DIS3L2: variants seen among roughly 807,000 people sequenced by gnomAD.
DIS3L2 encodes the protein DIS3-like exonuclease 2.
Under a neutral mutation model 97.5 loss-of-function variants are expected in DIS3L2, and 34 were observed. That is an observed-to-expected ratio of 0.35 (90% confidence interval 0.27 to 0.46). The LOEUF is 0.46. Among genes scored for constraint, DIS3L2 ranks in the 20% least tolerant of loss-of-function variants. The probability of loss-of-function intolerance (pLI) is 1.00; values close to 1 mark genes in which losing one functional copy is unlikely to be tolerated. For missense variants in DIS3L2, 1,038 were observed against 1,146.0 expected, an observed-to-expected ratio of 0.91 and a Z score of 1.36; for synonymous variants, 435 against 445.2, an observed-to-expected ratio of 0.98 and a Z score of 0.29.
chr2:232,055,225 G>A (rs937928476), intron 5 of DIS3L2, among the ~76,000 whole-genome samples: 3 of 152,240 alleles, frequency 2.0e-5, no homozygotes, highest in Middle Eastern at 3.4e-3. Flanking sequence ...ATGTTATATC[G>A]TAGACTGTAG....
chr2:231,974,415 A>G (rs886454551), intron 1 of DIS3L2, among the ~76,000 whole-genome samples: 3 of 151,322 alleles, frequency 2.0e-5, no homozygotes, highest in Admixed American at 1.3e-4. Context: ...CATTTTGGAT[A>G]ATTTCTCTTG....
chr2:232,020,447 A>G (rs759966819), intron 3 of DIS3L2, among the ~76,000 whole-genome samples: 1 of 152,148 alleles, frequency 6.6e-6, no homozygotes, highest in Non-Finnish European at 1.5e-5. Flanking sequence ...ATGGTGATGG[A>G]TGAGATATGG....
chr2:231,981,088 C>T (rs892362391), intron 1 of DIS3L2, among the ~76,000 whole-genome samples: 17 of 152,180 alleles, frequency 1.1e-4, no homozygotes, highest in African/African-American at 4.1e-4. Context: ...GGATTACAGG[C>T]ATGCACCACC....
chr2:232,241,489 C>G (rs1260696573), intron 11 of DIS3L2, among the ~76,000 whole-genome samples: 1 of 152,216 alleles, frequency 6.6e-6, no homozygotes, highest in African/African-American at 2.4e-5. Context: ...TACAGTGTAA[C>G]AGGTCTTGGG....
intron 13 of DIS3L2, among the ~76,000 whole-genome samples, chr2:232,342,226 CATATAT>C (rs775038217): frequency 6.4e-4 from 96 of 149,448 alleles, no homozygotes; most frequent in African/African-American, 2.2e-3. Flanking sequence ...TATACACATA[CATATAT>C]ACACATACAC....
chr2:232,271,814 C>T lies in DIS3L2; in HGVS notation c.1659+8374C>T, dbSNP rs538454675. On this transcript the variant is annotated intron_variant, in intron 13 of 20. Coordinates refer to ENST00000325385, the MANE Select transcript of DIS3L2 (RefSeq NM_152383.5). ...AGAACCTGGGAGCGTGAATTTCAGC[C>T]GTCGCGGGTGTTGGAATCTCCCCTT... Among the ~76,000 whole-genome samples the T allele has an allele frequency of 3.9e-5, 6 of 152,104 alleles. No individual in the cohort carries two copies. In the South Asian group the frequency reaches 8.3e-4, roughly 21 times the overall value.
At chr2:232,161,313 A>T (rs1690643310) in intron 8 of DIS3L2, among the ~76,000 whole-genome samples, 1 of 152,074 alleles carries the variant, frequency 6.6e-6, no homozygotes, top group South Asian at 2.1e-4. Flanking sequence ...TTTAACGTAG[A>T]AGCTTAGATC....
intron 3 of DIS3L2, among the ~76,000 whole-genome samples, chr2:232,022,834 C>G (rs1031695365): frequency 1.3e-5 from 2 of 151,644 alleles, no homozygotes; most frequent in Non-Finnish European, 2.9e-5. Flanking sequence ...AAGTTTTTTC[C>G]CTCCTTCCCT....
intron 1 of DIS3L2, among the ~76,000 whole-genome samples, chr2:231,999,061 G>A (rs867939751): frequency 2.6e-5 from 4 of 152,098 alleles, no homozygotes; most frequent in African/African-American, 9.7e-5. Flanking sequence ...AAATATTTTC[G>A]ATTTTGTAGA....
chr2:232,172,704 CTG>C, intron 9 of DIS3L2: 1 of 534,554 alleles, frequency 1.9e-6, no homozygotes, highest in South Asian at 1.4e-5. Flanking sequence ...AATTGTGAAA[CTG>C]TTTTTCAAAG....
rs1010473767 is a variant in DIS3L2, at chr2:232,029,842, C to T, written c.265-137C>T. On this transcript the variant is annotated intron_variant, in intron 4 of 20. Coordinates refer to ENST00000325385, the MANE Select transcript of DIS3L2 (RefSeq NM_152383.5). ...TCATTTAGTATTAAAAAGGTATCAG[C>T]ATGCTTTATTTAATACGAAAAAGGA... 12 of 614,890 alleles carry T rather than the reference C, an allele frequency of 2.0e-5. No individual in the cohort carries two copies. In the African/African-American group the frequency reaches 2.1e-4, roughly 11 times the overall value. The allele number at this position is 614,890 out of a possible 1,614,324, so 38.1% of individuals were successfully genotyped here. A position where few individuals can be genotyped will look rare whatever the true frequency, so the allele number is the denominator to read the frequency against.
rs55757645 is a variant in DIS3L2, at chr2:232,005,170, A to ATTTTTTTT, written c.-93-9651_-93-9644dup. On this transcript the variant is annotated intron_variant, in intron 1 of 20. Coordinates refer to ENST00000325385, the MANE Select transcript of DIS3L2 (RefSeq NM_152383.5). ...TGTTAAATTCCTTTGAAGAATCTTG[A>ATTTTTTTT]TTTTTTTTTTTTTTTTTTTTTATTT... 8.9e-3 allele frequency among the ~76,000 whole-genome samples: 1,121 copies of ATTTTTTTT among 126,284 alleles called. 1 individual carries two copies. Among genetic ancestry groups the ATTTTTTTT allele is most frequent in the Non-Finnish European group, 0.013 (808 of 62,434 alleles). 82.8% of individuals were successfully genotyped at this position (126,284 alleles called of 152,430 possible). A position where few individuals can be genotyped will look rare whatever the true frequency, so the allele number is the denominator to read the frequency against.
chr2:232,059,219 G>A (rs1381896751), intron 5 of DIS3L2, among the ~76,000 whole-genome samples: 2 of 152,204 alleles, frequency 1.3e-5, no homozygotes, highest in African/African-American at 2.4e-5. Context: ...GGCAGAACCA[G>A]CTTACATTGA....
chr2:232,284,667 G>A (rs1694379257), intron 13 of DIS3L2, among the ~76,000 whole-genome samples: 1 of 152,166 alleles, frequency 6.6e-6, no homozygotes, highest in Non-Finnish European at 1.5e-5. Flanking sequence ...CTTTGCCCCG[G>A]GAGAGCTAAA....
chr2:232,329,785 T>TGCCCGGGGGC, intron 14 of DIS3L2, 28 bp from the exon 15 acceptor site: 4 of 967,142 alleles, frequency 4.1e-6, no homozygotes, highest in Non-Finnish European at 5.8e-6. Flanking sequence ...ACCCCAGCGG[T>TGCCCGGGGGC]CCCTCCCATC....
At chr2:232,172,980 T>C (rs778609913) in intron 9 of DIS3L2, among the ~76,000 whole-genome samples, 10 of 152,214 alleles carry the variant, frequency 6.6e-5, no homozygotes, top group Non-Finnish European at 1.0e-4. Flanking sequence ...TAAAATGGAT[T>C]GCCTTTCTAT....
Position 232,329,873 on chromosome 2 carries a change from C to A in DIS3L2, c.1800C>A (p.Ala600=), listed in dbSNP as rs374119466. The stretch of plus-strand genomic sequence containing the variant: ...CAGTGGCCCACAAGATCCACCGCGC[C>A]TTCCCCGAGCAGGCCCTGCTGCGCC... ...NMAVAHKIHR[A]FPEQALLRRH... Residue 600 remains alanine, a synonymous_variant, in exon 15 of 21, where the codon GCC becomes GCA. Transcript: ENST00000325385. The A allele has an allele frequency of 6.8e-6, 11 of 1,611,010 alleles. No individual in the cohort carries two copies. The highest frequency in any genetic ancestry group is 9.3e-6 in the Non-Finnish European group (11 of 1,178,968).
At chr2:232,156,388 G>T (rs768192642) in intron 8 of DIS3L2, among the ~76,000 whole-genome samples, 10 of 152,048 alleles carry the variant, frequency 6.6e-5, no homozygotes, top group Non-Finnish European at 1.2e-4. Context: ...ATTTTTGGGA[G>T]TTCTTGAGAG....
In DIS3L2 at chr2:232,319,783, TG is replaced by T. The variant is rs1437138445; in HGVS notation, c.1740-10027del. ...CTGCAACCCAGGCTGCCCTACAAGA[TG>T]GGCTTGGCCTCCAGAGTGGTAGCTC... On this transcript the variant is annotated intron_variant, in intron 14 of 20. Coordinates refer to ENST00000325385, the MANE Select transcript of DIS3L2 (RefSeq NM_152383.5). Among the ~76,000 whole-genome samples the T allele has an allele frequency of 2.6e-5, 4 of 152,170 alleles. No homozygotes were observed. In the East Asian group the frequency reaches 7.7e-4, roughly 29 times the overall value.
Sources: allele counts gnomAD v4.1 joint callset (sites outside exome capture counted in the v4.1 genomes callset), GRCh38; gene constraint gnomAD v4.1.1; transcripts MANE v1.5; gene names NCBI Gene and HGNC (gene_info 2026-07-23, HGNC 2026-07-21).